The following DRD2 variants were observed in gnomAD, a reference collection of about 807,000 sequenced individuals.
The protein encoded by DRD2 is dopamine receptor D2, also known as D(2) dopamine receptor.
A neutral mutation model predicts 38.0 loss-of-function variants in DRD2; 8 were observed. The observed-to-expected ratio is 0.21, with a 90% CI of 0.12 to 0.38. The LOEUF (loss-of-function observed/expected upper bound fraction) is 0.38, where lower values mean the gene tolerates loss of function less well. Ranked by LOEUF, DRD2 falls within the 10% of genes least tolerant of loss-of-function variation. The probability of loss-of-function intolerance (pLI) is 1.00; values close to 1 mark genes in which losing one functional copy is unlikely to be tolerated. For missense variants in DRD2, 403 were observed against 607.7 expected (o/e 0.66, Z 3.54); for synonymous variants, 230 against 238.6 (o/e 0.96, Z 0.33).
At chr11:113,439,003 G>C (rs75402577) in intron 1 of DRD2, among the ~76,000 whole-genome samples, 1 of 152,188 alleles carries the variant, frequency 6.6e-6, no homozygotes, top group African/African-American at 2.4e-5. Flanking sequence ...ATTTCAGAGA[G>C]TGATAGATGA....
At chr11:113,433,109 G>A (rs1014254284) in intron 1 of DRD2, among the ~76,000 whole-genome samples, 8 of 151,928 alleles carry the variant, frequency 5.3e-5, no homozygotes, top group South Asian at 4.2e-4. Flanking sequence ...GGTCTGTGGC[G>A]AGGAAAAAAA....
intron 1 of DRD2, among the ~76,000 whole-genome samples, chr11:113,452,945 C>T (rs1951230881): frequency 6.6e-6 from 1 of 152,208 alleles, no homozygotes; most frequent in South Asian, 2.1e-4. Flanking sequence ...AGCCACCCTG[C>T]CCAGCCACTA....
Position 113,416,955 on chromosome 11 carries a change from C to T in DRD2, c.440G>A (p.Ser147Asn), listed in dbSNP as rs1266929426. Residue 147 changes from serine to asparagine, a missense_variant, in exon 4 of 8, where the codon AGC (serine) becomes AAC (asparagine). Transcript: ENST00000362072. ...AMPMLYNTRYSSKRRVTVMIS... is the reference protein window; with the variant it reads ...AMPMLYNTRYNSKRRVTVMIS... ...CATGACGGTGACCCGGCGCTTGGAGCTGTAGCGCGTATTGTACAGCATGGG... is the reference window on the plus strand; with the variant it reads ...CATGACGGTGACCCGGCGCTTGGAGTTGTAGCGCGTATTGTACAGCATGGG... 6.2e-7 allele frequency: 1 copy of T among 1,614,136 alleles called. No individual in the cohort carries two copies. Among genetic ancestry groups the T allele is most frequent in the Admixed American group, 1.7e-5 (1 of 60,012 alleles).
At chr11:113,442,141 C>T (rs1410167124) in intron 1 of DRD2, among the ~76,000 whole-genome samples, 1 of 152,126 alleles carries the variant, frequency 6.6e-6, no homozygotes, top group Non-Finnish European at 1.5e-5. Flanking sequence ...CCATAATTGC[C>T]TTAGCTTGGA....
chr11:113,418,205 A>T, intron 2 of DRD2, 69 bp from the exon 3 acceptor site: 1 of 1,327,990 alleles, frequency 7.5e-7, no homozygotes, highest in Non-Finnish European at 1.1e-6. Flanking sequence ...GTAGCCTGGT[A>T]CTCCTGGAGC....
intron 1 of DRD2, among the ~76,000 whole-genome samples, chr11:113,426,195 G>C (rs1393296454): frequency 6.6e-6 from 1 of 152,014 alleles, no homozygotes; most frequent in Non-Finnish European, 1.5e-5. Flanking sequence ...GGGCAAAAGT[G>C]GGTATGGGAC....
chr11:113,464,998 C>T (rs972599624), intron 1 of DRD2, among the ~76,000 whole-genome samples: 1 of 152,214 alleles, frequency 6.6e-6, no homozygotes, highest in Non-Finnish European at 1.5e-5. Context: ...CACTGCCCCT[C>T]CCTAGATCAG....
chr11:113,453,282 G>A (rs1220284214), intron 1 of DRD2, among the ~76,000 whole-genome samples: 2 of 152,174 alleles, frequency 1.3e-5, no homozygotes, highest in Non-Finnish European at 2.9e-5. Flanking sequence ...TATTCATCTA[G>A]GAAGTGGGGG....
chr11:113,410,330 C>T lies in DRD2; in HGVS notation c.*397G>A. ...ACTGTCCATCTCTCCCCACCGCCTG[C>T]TCCACGCCAAGCCCCACAAAGAGAA... On this transcript the variant is annotated 3_prime_UTR_variant, in exon 8 of 8. Transcript: ENST00000362072. 2.5e-6 allele frequency: 1 copy of T among 406,936 alleles called. No homozygotes were observed. The highest frequency in any genetic ancestry group is 4.6e-6 in the Non-Finnish European group (1 of 216,814). 25.2% of individuals were successfully genotyped at this position (406,936 alleles called of 1,614,324 possible). A position where few individuals can be genotyped will look rare whatever the true frequency, so the allele number is the denominator to read the frequency against.
chr11:113,437,146 C>A (rs1951046343), intron 1 of DRD2, among the ~76,000 whole-genome samples: 1 of 152,158 alleles, frequency 6.6e-6, no homozygotes, highest in African/African-American at 2.4e-5. Flanking sequence ...AGGCCAGGCA[C>A]CACGTGAAGT....
At chr11:113,467,521 A>C (rs1448182179) in intron 1 of DRD2, among the ~76,000 whole-genome samples, 1 of 152,214 alleles carries the variant, frequency 6.6e-6, no homozygotes, top group Non-Finnish European at 1.5e-5. Context: ...GGGTCTGCTC[A>C]TGTGAAGTTC....
At chr11:113,472,921 G>A (rs772516381) in intron 1 of DRD2, among the ~76,000 whole-genome samples, 1 of 152,140 alleles carries the variant, frequency 6.6e-6, no homozygotes, top group East Asian at 1.9e-4. Flanking sequence ...GAAGATCCTG[G>A]GGGAGAGGAG....
chr11:113,453,594 A>C (rs1302182422), intron 1 of DRD2, among the ~76,000 whole-genome samples: 2 of 152,370 alleles, frequency 1.3e-5, no homozygotes, highest in East Asian at 3.9e-4. Context: ...TGAATACTTT[A>C]GAAATGCTAA....
At chr11:113,449,017 C>T (rs1465758716) in intron 1 of DRD2, among the ~76,000 whole-genome samples, 4 of 152,196 alleles carry the variant, frequency 2.6e-5, no homozygotes, top group Non-Finnish European at 5.9e-5. Flanking sequence ...TCTATGACTC[C>T]CCTGAAGGGA....
Position 113,428,665 on chromosome 11 carries a change from C to T in DRD2, c.-31-3983G>A, listed in dbSNP as rs373038387. ...ATAGAGACAGAATCCCACTTTGCCA[C>T]CCAGGCTGGAGTGCAGTGGCACAAT... On this transcript the variant is annotated intron_variant, in intron 1 of 7. Transcript: ENST00000362072. Among the ~76,000 whole-genome samples the T allele has an allele frequency of 7.9e-4, 120 of 152,310 alleles. 4 individuals are homozygous for T. In the South Asian group the frequency reaches 0.025, roughly 31 times the overall value.
At chr11:113,463,785 A>G (rs957763954) in intron 1 of DRD2, among the ~76,000 whole-genome samples, 1 of 152,238 alleles carries the variant, frequency 6.6e-6, no homozygotes, top group African/African-American at 2.4e-5. Flanking sequence ...TAAATAAGCA[A>G]TGACAACATA....
chr11:113,412,813 C>T lies in DRD2; in HGVS notation c.881G>A (p.Arg294Gln), dbSNP rs750922396. The change falls in exon 7 of 8, where the codon CGG (arginine) becomes CAG (glutamine). Residue 294 changes from arginine to glutamine, a missense_variant. By Grantham distance (43) the Arg-to-Gln change is conservative (BLOSUM62 1). Coordinates refer to ENST00000362072, the MANE Select transcript of DRD2 (RefSeq NM_000795.4). The stretch of plus-strand genomic sequence containing the variant: ...GTGGCTGGGTGGGATGGGGCTGTAC[C>T]GGGTCCTCTCGGGTGGGCTGGTGCT... ...LSSTSPPERT[R>Q]YSPIPPSHHQ... 1.9e-6 allele frequency: 3 copies of T among 1,613,298 alleles called. No individual in the cohort carries two copies. The highest frequency in any genetic ancestry group is 1.7e-5 in the Admixed American group (1 of 59,996).
intron 2 of DRD2, among the ~76,000 whole-genome samples, chr11:113,422,254 C>G (rs1950892656): frequency 6.6e-6 from 1 of 152,348 alleles, no homozygotes; most frequent in African/African-American, 2.4e-5. Context: ...TGTCTATTGT[C>G]ATCTTCATCT....
At chr11:113,414,536 G>T in intron 5 of DRD2, 75 bp from the exon 6 acceptor site, 2 of 1,503,818 alleles carry the variant, frequency 1.3e-6, no homozygotes, top group African/African-American at 1.4e-5. Context: ...AAGTGCAGCA[G>T]TCCATGGAAC....
Sources: gnomAD v4.1 joint callset for allele counts (sites outside exome capture counted in the v4.1 genomes callset) on GRCh38, gnomAD v4.1.1 for gene constraint, MANE v1.5 for transcripts, NCBI Gene and HGNC (gene_info 2026-07-23, HGNC 2026-07-21) for gene names.